GNG12: variants seen among roughly 807,000 people sequenced by gnomAD.
GNG12 encodes guanine nucleotide-binding protein G(I)/G(S)/G(O) subunit gamma-12.
For missense variants in GNG12, 69 were observed against 83.8 expected, an observed-to-expected ratio of 0.82 and a Z score of 0.69; for synonymous variants, 28 against 29.7, an observed-to-expected ratio of 0.94 and a Z score of 0.19.
rs1291316701 is a variant in GNG12 at position 67,833,459 on chromosome 1, C to G, written c.-192G>C. The G allele has an allele frequency of 3.0e-6, 3 of 985,518 alleles. No homozygotes were observed. The highest frequency in any genetic ancestry group is 1.8e-5 in the African/African-American group (1 of 57,138). 61.0% of individuals were successfully genotyped at this position (985,518 alleles called of 1,614,324 possible). On this transcript the variant is annotated 5_prime_UTR_variant, in exon 1 of 4. Transcript: ENST00000370982. ...CTCTTGCTCCTCCGGGCGCCGGCTC[C>G]GCCTCGCTGGGGTGGGCGGGGCGGC...
intron 2 of GNG12, among the ~76,000 whole-genome samples, chr1:67,767,769 A>T (rs1019052610): frequency 3.9e-5 from 6 of 152,252 alleles, no homozygotes; most frequent in African/African-American, 1.2e-4. Flanking sequence ...AAAAAAATAG[A>T]AAGTTAAGTT....
At chr1:67,818,243 G>T (rs1297868594) in intron 1 of GNG12, among the ~76,000 whole-genome samples, 1 of 152,088 alleles carries the variant, frequency 6.6e-6, no homozygotes, top group Non-Finnish European at 1.5e-5. Flanking sequence ...ACTTATTACA[G>T]GTACTTAATA....
At chr1:67,796,480 A>G (rs767305096) in intron 1 of GNG12, among the ~76,000 whole-genome samples, 1 of 152,140 alleles carries the variant, frequency 6.6e-6, no homozygotes, top group Non-Finnish European at 1.5e-5. Context: ...ATTTTACTAC[A>G]TACTAGGTAT....
chr1:67,818,339 C>T (rs930588878), intron 1 of GNG12, among the ~76,000 whole-genome samples: 3 of 150,572 alleles, frequency 2.0e-5, no homozygotes, highest in South Asian at 2.1e-4. Context: ...GACAACTTGG[C>T]CAATGTGAAT....
At chr1:67,810,675 C>T (rs1286253725) in intron 1 of GNG12, among the ~76,000 whole-genome samples, 1 of 152,170 alleles carries the variant, frequency 6.6e-6, no homozygotes, top group Non-Finnish European at 1.5e-5. Context: ...AATAAATTCT[C>T]CCTCCTCCTC....
chr1:67,827,450 G>A (rs1272086968), intron 1 of GNG12, among the ~76,000 whole-genome samples: 2 of 150,226 alleles, frequency 1.3e-5, no homozygotes, highest in Non-Finnish European at 3.0e-5. Flanking sequence ...TTTTAAGATG[G>A]CATCTTGCTC....
chr1:67,727,489 A>G (rs1368759762), intron 2 of GNG12, among the ~76,000 whole-genome samples: 1 of 152,224 alleles, frequency 6.6e-6, no homozygotes, highest in African/African-American at 2.4e-5. Flanking sequence ...CTTATAAACA[A>G]CCATTACCTG....
rs142173017 is a variant in GNG12 at position 67,773,301 on chromosome 1, A to G, written c.-27+4157T>C. On this transcript the variant is annotated intron_variant, in intron 2 of 3. Transcript: ENST00000370982. ...TTATTCCCTATCATTCTCGGCACCA[A>G]TGGTTCATCTTACCAGTGCTGCCAG... is the stretch of plus-strand genomic sequence containing the variant. Among the ~76,000 whole-genome samples the G allele has an allele frequency of 1.6e-4, 24 of 152,240 alleles. No individual in the cohort carries two copies. In the East Asian group the frequency reaches 4.4e-3, roughly 28 times the overall value.
intron 1 of GNG12, among the ~76,000 whole-genome samples, chr1:67,814,011 A>C (rs1215619414): frequency 6.6e-6 from 1 of 152,170 alleles, no homozygotes. Context: ...TAACTTGTTC[A>C]AGTTTACATA....
At chr1:67,828,109 C>T (rs537524746) in intron 1 of GNG12, among the ~76,000 whole-genome samples, 1 of 152,264 alleles carries the variant, frequency 6.6e-6, no homozygotes, top group South Asian at 2.1e-4. Context: ...ACTATCCAGA[C>T]CCCCTTTGGA....
intron 2 of GNG12, among the ~76,000 whole-genome samples, chr1:67,712,643 T>C (rs1646302258): frequency 6.6e-6 from 1 of 151,850 alleles, no homozygotes; most frequent in Non-Finnish European, 1.5e-5. Flanking sequence ...CAGTGAGCTG[T>C]GATCATACCA....
chr1:67,759,629 T>C (rs1646590780), intron 2 of GNG12, among the ~76,000 whole-genome samples: 1 of 152,216 alleles, frequency 6.6e-6, no homozygotes. Flanking sequence ...TGATGTTTTG[T>C]ATAATACCTT....
intron 1 of GNG12, among the ~76,000 whole-genome samples, chr1:67,818,413 G>GT (rs1163831257): frequency 0.4 from 33,357 of 83,814 alleles, 8,244 homozygotes; most frequent in East Asian, 0.55. Context: ...AAGACCAGGG[G>GT]TTTTTTTTTT....
intron 2 of GNG12, among the ~76,000 whole-genome samples, chr1:67,759,672 T>C (rs1646591078): frequency 6.6e-6 from 1 of 152,208 alleles, no homozygotes; most frequent in Non-Finnish European, 1.5e-5. Context: ...ATACTAGTCA[T>C]TGTTATTCCT....
intron 2 of GNG12, among the ~76,000 whole-genome samples, chr1:67,728,804 A>G (rs1309677261): frequency 2.6e-5 from 4 of 152,170 alleles, no homozygotes; most frequent in Non-Finnish European, 5.9e-5. Flanking sequence ...GTTTCAAGAA[A>G]ATAGGCCCCC....
chr1:67,813,361 A>G (rs1253086911), intron 1 of GNG12, among the ~76,000 whole-genome samples: 9 of 152,210 alleles, frequency 5.9e-5, no homozygotes, highest in Non-Finnish European at 4.4e-5. Flanking sequence ...AATCTGGTGC[A>G]GTTTAGGGCC....
chr1:67,802,945 C>G (rs1646874883), intron 1 of GNG12, among the ~76,000 whole-genome samples: 1 of 152,208 alleles, frequency 6.6e-6, no homozygotes, highest in African/African-American at 2.4e-5. Flanking sequence ...ATAACAGAAG[C>G]AGCAGCAAGA....
At chr1:67,729,194 GT>G (rs1646404871) in intron 2 of GNG12, among the ~76,000 whole-genome samples, 3 of 152,166 alleles carry the variant, frequency 2.0e-5, no homozygotes, top group African/African-American at 7.2e-5. Context: ...CCGAGTGCAT[GT>G]TTTTTCCTCA....
At chr1:67,750,585 T>C (rs1431424201) in intron 2 of GNG12, among the ~76,000 whole-genome samples, 1 of 152,228 alleles carries the variant, frequency 6.6e-6, no homozygotes. Context: ...ATTTTACAGA[T>C]CAGTAGGTGA....
Sources: allele counts gnomAD v4.1 joint callset (sites outside exome capture counted in the v4.1 genomes callset), GRCh38; gene constraint gnomAD v4.1.1; transcripts MANE v1.5; gene names NCBI Gene and HGNC (gene_info 2026-07-23, HGNC 2026-07-21).